The following USP32 variants were observed in gnomAD, a reference collection of about 807,000 sequenced individuals.
USP32 encodes ubiquitin specific peptidase 32.
USP32 carries 59 observed loss-of-function variants against 204.8 expected under a neutral mutation model. The observed-to-expected ratio is 0.29, with a 90% CI of 0.23 to 0.36. The LOEUF is 0.36. Among genes scored for constraint, USP32 ranks in the 10% least tolerant of loss-of-function variants. The pLI, the probability that USP32 is intolerant of heterozygous loss-of-function variation, is 1.00. For missense variants in USP32, 1,160 were observed against 1,946.4 expected (o/e 0.60, Z 7.60); for synonymous variants, 517 against 678.4 (o/e 0.76, Z 3.70).
chr17:60,356,074 A>G (rs1321938839), intron 1 of USP32, among the ~76,000 whole-genome samples: 1 of 152,124 alleles, frequency 6.6e-6, no homozygotes, highest in Non-Finnish European at 1.5e-5. Flanking sequence ...AAGTGTCAAT[A>G]TTTGACCTAT....
intron 1 of USP32, among the ~76,000 whole-genome samples, chr17:60,383,575 C>G (rs1229327822): frequency 6.6e-6 from 1 of 152,194 alleles, no homozygotes; most frequent in East Asian, 1.9e-4. Context: ...TAGTGATAGA[C>G]AAATACCACT....
intron 1 of USP32, among the ~76,000 whole-genome samples, chr17:60,383,260 G>A (rs2089677083): frequency 1.3e-5 from 2 of 149,870 alleles, no homozygotes; most frequent in Admixed American, 6.7e-5. Context: ...AAAACTTTAA[G>A]CACAAACTTT....
intron 12 of USP32, among the ~76,000 whole-genome samples, chr17:60,233,726 C>A (rs1032802340): frequency 1.3e-5 from 2 of 152,128 alleles, no homozygotes; most frequent in Non-Finnish European, 2.9e-5. Context: ...TATTAGTCAA[C>A]TTACATTTCC....
intron 2 of USP32, among the ~76,000 whole-genome samples, chr17:60,307,676 G>A (rs1435462977): frequency 6.6e-6 from 1 of 152,128 alleles, no homozygotes; most frequent in African/African-American, 2.4e-5. Context: ...GCTGGGTAGA[G>A]AAAGGCAGGT....
At chr17:60,421,535 TC>T (rs1473899597) in intron 1 of USP32, 1 of 985,094 alleles carries the variant, frequency 1.0e-6, no homozygotes, top group Non-Finnish European at 1.2e-6. Context: ...CGAAGGAAGG[TC>T]CGGGAGAAGG....
At chr17:60,272,063 C>T (rs112648343) in intron 5 of USP32, among the ~76,000 whole-genome samples, 2 of 152,164 alleles carry the variant, frequency 1.3e-5, no homozygotes, top group Non-Finnish European at 2.9e-5. Context: ...AGTCCTCTCA[C>T]CTCTGCTTCC....
At chr17:60,306,414 G>T (rs2087724258) in intron 2 of USP32, among the ~76,000 whole-genome samples, 1 of 152,152 alleles carries the variant, frequency 6.6e-6, no homozygotes, top group Non-Finnish European at 1.5e-5. Context: ...GAGGGGGGTG[G>T]ATCATTTGAG....
At chr17:60,284,763 T>C (rs945236234) in intron 5 of USP32, among the ~76,000 whole-genome samples, 1 of 152,252 alleles carries the variant, frequency 6.6e-6, no homozygotes, top group Admixed American at 6.5e-5. Context: ...TTTAGGTTCC[T>C]CTAAGCTCAC....
chr17:60,375,654 A>T (rs1438896500), intron 1 of USP32, among the ~76,000 whole-genome samples: 1 of 152,128 alleles, frequency 6.6e-6, no homozygotes, highest in Non-Finnish European at 1.5e-5. Context: ...CTCAGGCTGG[A>T]GTGCAGTGGC....
At chr17:60,310,784 C>T (rs1055270227) in intron 2 of USP32, among the ~76,000 whole-genome samples, 4 of 152,116 alleles carry the variant, frequency 2.6e-5, no homozygotes, top group African/African-American at 9.7e-5. Flanking sequence ...GCCTGTAATC[C>T]TAGCACTTTG....
intron 14 of USP32, among the ~76,000 whole-genome samples, chr17:60,223,132 T>G (rs945644776): frequency 5.9e-5 from 9 of 152,164 alleles, no homozygotes; most frequent in African/African-American, 2.2e-4. Context: ...AAATACTAGT[T>G]TGGAAAAAAA....
chr17:60,213,950 T>G (rs1448401052), intron 17 of USP32, among the ~76,000 whole-genome samples: 4 of 151,928 alleles, frequency 2.6e-5, no homozygotes, highest in Non-Finnish European at 5.9e-5. Flanking sequence ...TTTTTGTTTT[T>G]TTTTTTTTTA....
chr17:60,349,647 A>G (rs2088899270), intron 1 of USP32, among the ~76,000 whole-genome samples: 1 of 108,064 alleles, frequency 9.3e-6, no homozygotes, highest in South Asian at 2.5e-4. Context: ...TATATATTAT[A>G]TATATACATA....
intron 1 of USP32, chr17:60,421,833 C>G: frequency 2.0e-6 from 2 of 984,268 alleles, no homozygotes; most frequent in Non-Finnish European, 2.4e-6. Flanking sequence ...ACACCCGGCT[C>G]CCCGCCTGGT....
intron 5 of USP32, among the ~76,000 whole-genome samples, chr17:60,287,202 C>T (rs2087137317): frequency 6.6e-6 from 1 of 152,108 alleles, no homozygotes; most frequent in Admixed American, 6.6e-5. Context: ...GAGTCACACC[C>T]GTGAGCCAGT....
upstream of USP32, among the ~76,000 whole-genome samples, chr17:60,396,602 CA>C (rs1373957099): frequency 3.3e-5 from 5 of 152,118 alleles, no homozygotes; most frequent in Non-Finnish European, 5.9e-5. Flanking sequence ...GAAGTCAAGA[CA>C]AGAGTATTGT....
chr17:60,285,544 A>G (rs2087089715), intron 5 of USP32, among the ~76,000 whole-genome samples: 1 of 152,246 alleles, frequency 6.6e-6, no homozygotes, highest in Non-Finnish European at 1.5e-5. Flanking sequence ...TTGGAAAGAT[A>G]GGATAATACT....
chr17:60,232,505 C>T (rs865883795), intron 12 of USP32, among the ~76,000 whole-genome samples: 3 of 135,122 alleles, frequency 2.2e-5, no homozygotes, highest in African/African-American at 8.4e-5. Flanking sequence ...TTAAACAAGG[C>T]GTTTGTCAAA....
chr17:60,184,823 A>C (rs1296678662), intron 30 of USP32, among the ~76,000 whole-genome samples: 1 of 152,072 alleles, frequency 6.6e-6, no homozygotes, highest in African/African-American at 2.4e-5. Context: ...AAAAAAAAAA[A>C]AAAAAACATA....
Sources: gnomAD v4.1 joint callset for allele counts (sites outside exome capture counted in the v4.1 genomes callset) on GRCh38, gnomAD v4.1.1 for gene constraint, MANE v1.5 for transcripts, NCBI Gene and HGNC (gene_info 2026-07-23, HGNC 2026-07-21) for gene names.